L3MBTL4: variants seen among roughly 807,000 people sequenced by gnomAD.
The protein encoded by L3MBTL4 is L3MBTL histone methyl-lysine binding protein 4.
L3MBTL4 carries 70 observed loss-of-function variants against 84.5 expected under a neutral mutation model. The observed-to-expected ratio is 0.83, with a 90% confidence interval of 0.68 to 1.01. The LOEUF (loss-of-function observed/expected upper bound fraction) is 1.01. L3MBTL4 is among the 50% of genes least tolerant of loss of function. L3MBTL4 has a pLI of 0.00. For synonymous variants in L3MBTL4, 274 were observed against 259.8 expected, an observed-to-expected ratio of 1.05 and a Z score of -0.52; for missense variants, 715 against 754.8, an observed-to-expected ratio of 0.95 and a Z score of 0.62.
intron 1 of L3MBTL4, among the ~76,000 whole-genome samples, chr18:6,330,021 T>A (rs754114796): frequency 1.3e-5 from 2 of 152,232 alleles, no homozygotes; most frequent in Non-Finnish European, 2.9e-5. Flanking sequence ...TCTTGTATAG[T>A]ATTGTAGTAG....
At chr18:6,007,118 A>G (rs2054522290) in intron 16 of L3MBTL4, among the ~76,000 whole-genome samples, 1 of 152,172 alleles carries the variant, frequency 6.6e-6, no homozygotes, top group African/African-American at 2.4e-5. Flanking sequence ...AACCAACTAA[A>G]TAAACAAACA....
At chr18:6,217,291 A>G (rs2046366034) in intron 10 of L3MBTL4, among the ~76,000 whole-genome samples, 1 of 151,886 alleles carries the variant, frequency 6.6e-6, no homozygotes, top group African/African-American at 2.4e-5. Context: ...GCACCATACC[A>G]CCCTCCTCAA....
intron 3 of L3MBTL4, among the ~76,000 whole-genome samples, chr18:6,309,351 T>C (rs1192595142): frequency 6.6e-6 from 1 of 152,202 alleles, no homozygotes; most frequent in Non-Finnish European, 1.5e-5. Context: ...AAACTGACAG[T>C]GCAACGTGGA....
intron 1 of L3MBTL4, among the ~76,000 whole-genome samples, chr18:6,408,686 C>CTTT (rs763274818): frequency 2.8e-5 from 4 of 144,674 alleles, no homozygotes; most frequent in Non-Finnish European, 6.1e-5. Context: ...TCTTCTTCTT[C>CTTT]TTTTTTTTTT....
intron 5 of L3MBTL4, among the ~76,000 whole-genome samples, chr18:6,262,559 G>T (rs2048453793): frequency 6.6e-6 from 1 of 152,118 alleles, no homozygotes; most frequent in Admixed American, 6.5e-5. Context: ...CCTCAAACCT[G>T]CACAAAGAAT....
intron 1 of L3MBTL4, chr18:6,399,756 C>T (rs2055434626): frequency 6.6e-6 from 1 of 152,188 alleles, no homozygotes; most frequent in Non-Finnish European, 1.5e-5. Context: ...CCTTCATGGT[C>T]TCTATATGAT....
intron 13 of L3MBTL4, among the ~76,000 whole-genome samples, chr18:6,146,997 A>G (rs2042683980): frequency 6.6e-6 from 1 of 152,096 alleles, no homozygotes; most frequent in Non-Finnish European, 1.5e-5. Context: ...TCTCGGTGAA[A>G]CAGGCAGTAA....
chr18:6,341,662 G>A (rs171022), intron 1 of L3MBTL4, among the ~76,000 whole-genome samples: 41,684 of 151,694 alleles, frequency 0.27, 7,511 homozygotes, highest in African/African-American at 0.52. Context: ...AACAAACATA[G>A]AAATTATAGG....
At chr18:6,273,715 G>A (rs1213194681) in intron 4 of L3MBTL4, among the ~76,000 whole-genome samples, 1 of 152,226 alleles carries the variant, frequency 6.6e-6, no homozygotes, top group Admixed American at 6.5e-5. Flanking sequence ...ACTGGCCTGG[G>A]AGGCAAAGGA....
In L3MBTL4 at chr18:6,016,824, T is replaced by C. The variant is rs532136214; in HGVS notation, c.1445-47262A>G. Among the ~76,000 whole-genome samples, 30 of 152,254 alleles carry C rather than the reference T, an allele frequency of 2.0e-4. 1 individual carries two copies. Among genetic ancestry groups the C allele is most frequent in the African/African-American group, 6.7e-4 (28 of 41,556 alleles). ...TGAGGATGATAGCTGAACGGAGACC[T>C]GAAGGGTGAAGAGCCAAGTGGTGGG... On this transcript the variant is annotated intron_variant, in intron 16 of 18. Transcript: ENST00000317931.
At chr18:6,228,988 A>G (rs1175174767) in intron 10 of L3MBTL4, among the ~76,000 whole-genome samples, 1 of 152,244 alleles carries the variant, frequency 6.6e-6, no homozygotes, top group African/African-American at 2.4e-5. Context: ...ATAGGTAACT[A>G]TTAACTCCAG....
At chr18:6,321,521 A>C (rs2147061098) in intron 1 of L3MBTL4, among the ~76,000 whole-genome samples, 1 of 152,344 alleles carries the variant, frequency 6.6e-6, no homozygotes, top group East Asian at 1.9e-4. Flanking sequence ...TTTAAAAACT[A>C]AAAGATCTAT....
chr18:6,030,776 T>A (rs776472037), intron 16 of L3MBTL4: 92 of 984,300 alleles, frequency 9.3e-5, no homozygotes, highest in Non-Finnish European at 1.0e-4. Context: ...TTTTCTGGCT[T>A]GAAGTTTCAT....
chr18:6,011,166 A>ATCC (rs768113182), intron 16 of L3MBTL4, among the ~76,000 whole-genome samples: 2 of 152,234 alleles, frequency 1.3e-5, no homozygotes, highest in Non-Finnish European at 2.9e-5. Context: ...GCACATCACC[A>ATCC]GTAAGAAATG....
chr18:6,249,364 A>G (rs2047825743), intron 5 of L3MBTL4, among the ~76,000 whole-genome samples: 1 of 152,188 alleles, frequency 6.6e-6, no homozygotes, highest in Non-Finnish European at 1.5e-5. Context: ...AAACAGTGTT[A>G]TGTTGAGCAA....
chr18:6,236,087 G>A (rs770346920), intron 10 of L3MBTL4, among the ~76,000 whole-genome samples: 2 of 152,250 alleles, frequency 1.3e-5, no homozygotes, highest in South Asian at 4.1e-4. Flanking sequence ...AAATTCACAA[G>A]TTAATTCTAA....
At chr18:6,200,480 GAGA>G (rs1448543239) in intron 12 of L3MBTL4, among the ~76,000 whole-genome samples, 1 of 152,198 alleles carries the variant, frequency 6.6e-6, no homozygotes, top group African/African-American at 2.4e-5. Context: ...TTTATTTTAA[GAGA>G]AGGAGGTTAT....
chr18:5,988,310 A>C (rs1298212087), intron 16 of L3MBTL4, among the ~76,000 whole-genome samples: 9 of 152,312 alleles, frequency 5.9e-5, no homozygotes, highest in African/African-American at 2.2e-4. Context: ...ATACAAATAA[A>C]ATTTTAGGCT....
At position 6,164,138 on chromosome 18, in the gene L3MBTL4, C is replaced by T. The variant is rs185101983; in HGVS notation, c.1096+7690G>A. Among the ~76,000 whole-genome samples, 576 of 152,284 alleles carry T rather than the reference C, an allele frequency of 3.8e-3. 2 individuals carry two copies. The highest frequency in any genetic ancestry group is 0.013 in the African/African-American group (536 of 41,540). Reference sequence around the variant, plus strand: ...GGCAGCAGTGAGGCTGGGGTAGGGGCGCCCACCATTGCAGAGGCTTGAGTA... The same window carrying T: ...GGCAGCAGTGAGGCTGGGGTAGGGGTGCCCACCATTGCAGAGGCTTGAGTA... On this transcript the variant is annotated intron_variant, in intron 13 of 18. Coordinates refer to ENST00000317931, the MANE Select transcript of L3MBTL4 (RefSeq NM_001330559.2).
Sources: allele counts gnomAD v4.1 joint callset (sites outside exome capture counted in the v4.1 genomes callset), GRCh38; gene constraint gnomAD v4.1.1; transcripts MANE v1.5; gene names NCBI Gene and HGNC (gene_info 2026-07-23, HGNC 2026-07-21).